The following FBXL17 variants were observed in gnomAD, a reference collection of about 807,000 sequenced individuals.
FBXL17 encodes the protein F-box/LRR-repeat protein 17.
In FBXL17, 22 loss-of-function variants were observed where a neutral mutation model predicts 66.2. That is an observed-to-expected ratio of 0.33 (90% CI 0.24 to 0.47). The LOEUF is 0.47. FBXL17 is among the 20% of genes least tolerant of loss of function. FBXL17 has a pLI of 1.00. For missense variants in FBXL17, 878 were observed against 948.2 expected (o/e 0.93, Z 0.97); for synonymous variants, 474 against 400.5 (o/e 1.18, Z -2.19).
At chr5:108,049,012 T>C (rs545507398) in intron 6 of FBXL17, among the ~76,000 whole-genome samples, 1 of 151,948 alleles carries the variant, frequency 6.6e-6, no homozygotes, top group African/African-American at 2.4e-5. Flanking sequence ...TTCTCCAAGG[T>C]TGAAATAAAG....
chr5:107,965,171 G>A (rs1463521184), intron 7 of FBXL17, among the ~76,000 whole-genome samples: 1 of 152,110 alleles, frequency 6.6e-6, no homozygotes, highest in Non-Finnish European at 1.5e-5. Context: ...TTAAGAGCTT[G>A]TGTGGGTATT....
chr5:108,343,815 T>C (rs952193756), intron 4 of FBXL17, among the ~76,000 whole-genome samples: 2 of 151,852 alleles, frequency 1.3e-5, no homozygotes, highest in Non-Finnish European at 2.9e-5. Flanking sequence ...ACAGACTAGG[T>C]GATATTAGAC....
At chr5:108,357,495 C>T (rs1411058710) in intron 3 of FBXL17, among the ~76,000 whole-genome samples, 2 of 152,010 alleles carry the variant, frequency 1.3e-5, no homozygotes, top group Non-Finnish European at 2.9e-5. Context: ...ATATAATGGA[C>T]ATCTAGAGAC....
intron 4 of FBXL17, among the ~76,000 whole-genome samples, chr5:108,340,941 T>G (rs752826459): frequency 6.6e-6 from 1 of 152,168 alleles, no homozygotes. Context: ...AGAGAGTGAT[T>G]TGACATGATA....
rs200009710 is a variant in FBXL17 at position 108,335,358 on chromosome 5, G to GT, written c.1506+13040dup. 6.5e-3 allele frequency among the ~76,000 whole-genome samples: 914 copies of GT among 140,586 alleles called. 5 individuals carry two copies. Among genetic ancestry groups the GT allele is most frequent in the Middle Eastern group, 0.011 (3 of 270 alleles). The allele number at this position is 140,586 out of a possible 152,430, so 92.2% of individuals were successfully genotyped here. ...CAGTATCTTTAAAAAAAAAAAATAC[G>GT]TTTTTTTTTTAAATTTTGAAAAGTA... is the stretch of plus-strand genomic sequence containing the variant. On this transcript the variant is annotated intron_variant, in intron 4 of 8. Coordinates refer to ENST00000542267, the MANE Select transcript of FBXL17 (RefSeq NM_001163315.3).
intron 5 of FBXL17, among the ~76,000 whole-genome samples, chr5:108,189,267 T>G (rs1396086787): frequency 7.1e-6 from 1 of 141,744 alleles, no homozygotes; most frequent in South Asian, 2.5e-4. Context: ...CAAGCTCATG[T>G]AGTTGCTGGA....
intron 4 of FBXL17, among the ~76,000 whole-genome samples, chr5:108,261,278 G>A (rs1756810232): frequency 6.6e-6 from 1 of 151,596 alleles, no homozygotes; most frequent in Non-Finnish European, 1.5e-5. Flanking sequence ...GAGGTTGACA[G>A]ACCAAAAAAA....
intron 5 of FBXL17, among the ~76,000 whole-genome samples, chr5:108,212,847 G>A (rs1754436381): frequency 6.6e-6 from 1 of 152,186 alleles, no homozygotes; most frequent in Non-Finnish European, 1.5e-5. Context: ...ATGCTGTGCT[G>A]GGAGGTACGC....
At chr5:108,076,197 T>C (rs990609015) in intron 6 of FBXL17, among the ~76,000 whole-genome samples, 5 of 152,196 alleles carry the variant, frequency 3.3e-5, no homozygotes, top group African/African-American at 1.2e-4. Flanking sequence ...GCTTATATCT[T>C]TGGATGTGAG....
chr5:107,862,285 A>G (rs1471665114), intron 8 of FBXL17, among the ~76,000 whole-genome samples: 3 of 151,816 alleles, frequency 2.0e-5, no homozygotes, highest in East Asian at 1.9e-4. Context: ...GATTCCAGAC[A>G]GAAGTGTTGG....
chr5:108,316,662 A>G (rs767263418), intron 4 of FBXL17, among the ~76,000 whole-genome samples: 9 of 151,406 alleles, frequency 5.9e-5, no homozygotes, highest in Non-Finnish European at 8.9e-5. Context: ...AACTAGATTC[A>G]ATATAGTTTT....
chr5:108,074,310 ATTT>A (rs33988328), intron 6 of FBXL17, among the ~76,000 whole-genome samples: 96 of 137,288 alleles, frequency 7.0e-4, no homozygotes, highest in East Asian at 4.3e-3. Context: ...ATTTGAAAAG[ATTT>A]TTTTTTTTTT....
intron 4 of FBXL17, among the ~76,000 whole-genome samples, chr5:108,344,186 G>GA (rs1747093001): frequency 6.6e-6 from 1 of 151,948 alleles, no homozygotes; most frequent in Non-Finnish European, 1.5e-5. Context: ...GGGGTCGGGG[G>GA]GGAAAGCCTG....
intron 6 of FBXL17, among the ~76,000 whole-genome samples, chr5:108,111,724 C>T (rs144889457): frequency 4.6e-5 from 7 of 152,120 alleles, no homozygotes; most frequent in Non-Finnish European, 5.9e-5. Flanking sequence ...AACTAGGCTA[C>T]GGGACCACAC....
chr5:108,035,359 T>A (rs1746799827), intron 6 of FBXL17, among the ~76,000 whole-genome samples: 1 of 152,050 alleles, frequency 6.6e-6, no homozygotes, highest in Non-Finnish European at 1.5e-5. Context: ...AATTTTTTGT[T>A]CGTTTGTTTG....
chr5:108,060,892 C>T (rs1014422664), intron 6 of FBXL17, among the ~76,000 whole-genome samples: 4 of 152,070 alleles, frequency 2.6e-5, no homozygotes, highest in African/African-American at 9.7e-5. Context: ...TTTCTACATC[C>T]CTGGGGCCCT....
intron 4 of FBXL17, among the ~76,000 whole-genome samples, chr5:108,322,771 T>C (rs1342538921): frequency 1.3e-5 from 2 of 151,964 alleles, no homozygotes; most frequent in Non-Finnish European, 2.9e-5. Flanking sequence ...GCTGAGGTAA[T>C]ATCAAGGCCT....
At chr5:107,963,947 A>G (rs900424821) in intron 7 of FBXL17, among the ~76,000 whole-genome samples, 8 of 152,176 alleles carry the variant, frequency 5.3e-5, no homozygotes, top group Admixed American at 6.6e-5. Flanking sequence ...AATCCTTTAA[A>G]TATTTCTGAA....
At chr5:108,041,657 A>G (rs1295785675) in intron 6 of FBXL17, among the ~76,000 whole-genome samples, 2 of 152,036 alleles carry the variant, frequency 1.3e-5, no homozygotes, top group Non-Finnish European at 2.9e-5. Context: ...AGCTCAAGTG[A>G]TCTTCCCACC....
Sources: gnomAD v4.1 joint callset for allele counts (sites outside exome capture counted in the v4.1 genomes callset) on GRCh38, gnomAD v4.1.1 for gene constraint, MANE v1.5 for transcripts, NCBI Gene and HGNC (gene_info 2026-07-23, HGNC 2026-07-21) for gene names.